HMCN1: variants seen among roughly 807,000 people sequenced by gnomAD.
HMCN1 encodes the protein hemicentin-1.
Under a neutral mutation model 625.9 loss-of-function variants are expected in HMCN1, and 321 were observed. That is an observed-to-expected ratio of 0.51 (90% CI 0.47 to 0.56). The LOEUF is 0.56. Ranked by LOEUF, HMCN1 falls within the 20% of genes least tolerant of loss-of-function variation. HMCN1 has a pLI of 0.00. For synonymous variants in HMCN1, 2,425 were observed against 2,417.6 expected (o/e 1.00, Z -0.09); for missense variants, 6,588 against 6,887.3 (o/e 0.96, Z 1.54).
chr1:186,176,228 T>C (rs1652568627), intron 103 of HMCN1, among the ~76,000 whole-genome samples: 1 of 152,228 alleles, frequency 6.6e-6, no homozygotes, highest in South Asian at 2.1e-4. Flanking sequence ...GTTTCCTTGA[T>C]TTTAATCTGT....
At chr1:186,107,053 G>A in intron 70 of HMCN1, 88 bp downstream of exon 70, 1 of 839,792 alleles carries the variant, frequency 1.2e-6, no homozygotes, top group Non-Finnish European at 2.1e-6. Flanking sequence ...CACAGGATAT[G>A]TTTATAAGTT....
At chr1:186,070,463 T>G in intron 51 of HMCN1, 149 bp from the exon 52 acceptor site, 1 of 705,558 alleles carries the variant, frequency 1.4e-6, no homozygotes, top group South Asian at 1.8e-5. Context: ...TTTCATAAGA[T>G]GTTAACTTAG....
intron 11 of HMCN1, among the ~76,000 whole-genome samples, chr1:185,942,954 G>GA (rs961293254): frequency 4.6e-5 from 7 of 151,486 alleles, no homozygotes; most frequent in African/African-American, 1.7e-4. Context: ...GCAAGAGGGG[G>GA]AAAAAAAGCT....
chr1:186,167,320 GT>G (rs1004255086), intron 100 of HMCN1, among the ~76,000 whole-genome samples: 5 of 152,192 alleles, frequency 3.3e-5, no homozygotes, highest in Non-Finnish European at 5.9e-5. Context: ...GTTGAATGAT[GT>G]TTTTAATAGG....
In HMCN1 at chr1:185,858,586, A is replaced by ATTTTTTT. The variant is rs71101980; in HGVS notation, c.340-5843_340-5837dup. Among the ~76,000 whole-genome samples, 33 of 34,744 alleles carry ATTTTTTT rather than the reference A, an allele frequency of 9.5e-4. 11 individuals are homozygous for ATTTTTTT. Among genetic ancestry groups the ATTTTTTT allele is most frequent in the Admixed American group, 1.2e-3 (3 of 2,600 alleles). The allele number at this position is 34,744 out of a possible 152,430, so 22.8% of individuals were successfully genotyped here. ...GCCTATATGCCACCACACCCAGCTAATTTTTTTTTTTTTTTTTTTTTTTTT... is the reference window on the plus strand; with the variant it reads ...GCCTATATGCCACCACACCCAGCTAATTTTTTTTTTTTTTTTTTTTTTTTTTTTTTTT... On this transcript the variant is annotated intron_variant, in intron 2 of 106. Transcript: ENST00000271588.
chr1:186,088,041 T>C (rs748652024), intron 61 of HMCN1, 28 bp downstream of exon 61: 1 of 1,612,190 alleles, frequency 6.2e-7, no homozygotes, highest in South Asian at 1.1e-5. Flanking sequence ...ATACAACTCT[T>C]TTTCCCCTAG....
At chr1:186,105,724 G>T (rs1337158427) in intron 69 of HMCN1, among the ~76,000 whole-genome samples, 1 of 152,136 alleles carries the variant, frequency 6.6e-6, no homozygotes, top group Non-Finnish European at 1.5e-5. Context: ...TGATGTCTGT[G>T]GGTAGCCAGA....
chr1:185,977,743 T>C (rs1179364935), intron 15 of HMCN1, 44 bp from the exon 16 acceptor site: 1 of 1,179,954 alleles, frequency 8.5e-7, no homozygotes, highest in Non-Finnish European at 1.3e-6. Context: ...AATATGCCTG[T>C]ATAATATACC....
chr1:185,940,999 G>C (rs987454093), intron 11 of HMCN1, among the ~76,000 whole-genome samples: 5 of 151,970 alleles, frequency 3.3e-5, no homozygotes, highest in Admixed American at 3.3e-4. Context: ...CGACCTCAGG[G>C]GATCTGCCTG....
intron 1 of HMCN1, among the ~76,000 whole-genome samples, chr1:185,785,808 C>T (rs1404660854): frequency 2.9e-4 from 44 of 152,110 alleles, no homozygotes; most frequent in Admixed American, 2.8e-3. Flanking sequence ...TGAACAAATC[C>T]CAGGACAGTT....
intron 11 of HMCN1, among the ~76,000 whole-genome samples, chr1:185,946,009 G>A (rs1243306294): frequency 2.0e-5 from 3 of 152,172 alleles, no homozygotes; most frequent in Non-Finnish European, 4.4e-5. Context: ...AAGGCTAAAA[G>A]CATGGTCTGA....
At chr1:185,806,238 C>T (rs1260062189) in intron 1 of HMCN1, among the ~76,000 whole-genome samples, 1 of 152,010 alleles carries the variant, frequency 6.6e-6, no homozygotes, top group Non-Finnish European at 1.5e-5. Context: ...AATGCCTGAA[C>T]AACTAATAAG....
In HMCN1 at chr1:186,001,375, G is replaced by A. The variant is rs1372816015; in HGVS notation, c.4147G>A (p.Glu1383Lys). ...AAATCAGCTGACCAATCTCTTCTGT[G>A]AAGTGGAAGGCACTCCATCTCCCAT... is the stretch of plus-strand genomic sequence containing the variant. ...LLNQLTNLFC[E>K]VEGTPSPIIM... Residue 1383 changes from glutamate (E) to lysine (K), a missense_variant, in exon 27 of 107, where the codon GAA becomes AAA. Physicochemically the swap from Glu to Lys is moderately conservative, Grantham distance 56. Around this residue, in one of 3 missense-constraint regions of HMCN1, gnomAD observed 4,628 missense variants for 4,853.1 expected, o/e 0.95. Transcript: ENST00000271588. 6.2e-7 allele frequency: 1 copy of A among 1,611,954 alleles called. No homozygotes were observed. Among genetic ancestry groups the A allele is most frequent in the Non-Finnish European group, 8.5e-7 (1 of 1,178,488 alleles).
intron 5 of HMCN1, among the ~76,000 whole-genome samples, chr1:185,910,325 TACA>T (rs1268784622): frequency 2.0e-5 from 3 of 152,098 alleles, no homozygotes; most frequent in South Asian, 2.1e-4. Flanking sequence ...ACAAGACAAA[TACA>T]ACGTCTTTCT....
In HMCN1 at chr1:186,145,717, A is replaced by G. The variant is rs753823322; in HGVS notation, c.14438-36A>G. The G allele has an allele frequency of 2.0e-5, 32 of 1,610,964 alleles. No homozygotes were observed. The Middle Eastern group carries it at 4.9e-4, about 25-fold the overall frequency. ...ATAGATTATGAAGATTTTGAAGCCA[A>G]TTTCTTAACAGTGACCATTCCATTC... is the stretch of plus-strand genomic sequence containing the variant. On this transcript the variant is annotated intron_variant, in intron 92 of 106. Transcript: ENST00000271588.
At chr1:185,825,656 A>G (rs1002737004) in intron 1 of HMCN1, among the ~76,000 whole-genome samples, 5 of 152,166 alleles carry the variant, frequency 3.3e-5, no homozygotes, top group Non-Finnish European at 7.4e-5. Context: ...CATTTTAGGT[A>G]GGGGGTAGAT....
intron 64 of HMCN1, among the ~76,000 whole-genome samples, chr1:186,091,512 G>A (rs1659841283): frequency 6.6e-6 from 1 of 151,928 alleles, no homozygotes; most frequent in South Asian, 2.1e-4. Context: ...TTTGAGAAAA[G>A]ATGCAATAAT....
chr1:185,990,871 T>C (rs1051984475), intron 22 of HMCN1, among the ~76,000 whole-genome samples: 1 of 152,204 alleles, frequency 6.6e-6, no homozygotes, highest in Non-Finnish European at 1.5e-5. Context: ...TATGAGCACA[T>C]TGAGACAACA....
chr1:186,124,674 C>T (rs113211330), intron 81 of HMCN1, among the ~76,000 whole-genome samples: 2,388 of 151,844 alleles, frequency 0.016, 48 homozygotes, highest in African/African-American at 0.049. Context: ...CTATTTTAAT[C>T]GAAAACAGTT....
Sources: gnomAD v4.1 joint callset for allele counts (sites outside exome capture counted in the v4.1 genomes callset) on GRCh38, gnomAD v4.1.1 for gene constraint, gnomAD v4.1.1 regional missense constraint, MANE v1.5 for transcripts, NCBI Gene and HGNC (gene_info 2026-07-23, HGNC 2026-07-21) for gene names.